Variants in PTPRE observed in about 807,000 individuals in gnomAD.
PTPRE encodes the protein protein tyrosine phosphatase receptor type E, also known as receptor-type tyrosine-protein phosphatase epsilon.
Under a neutral mutation model 102.0 loss-of-function variants are expected in PTPRE, and 51 were observed. That is an observed-to-expected ratio of 0.50 (90% CI 0.40 to 0.63). The LOEUF (loss-of-function observed/expected upper bound fraction) is 0.63. PTPRE is among the 30% of genes least tolerant of loss of function. The pLI, the probability that PTPRE is intolerant of heterozygous loss-of-function variation, is 0.00. For missense variants in PTPRE, 752 were observed against 915.1 expected (o/e 0.82, Z 2.30); for synonymous variants, 345 against 348.2 (o/e 0.99, Z 0.10).
At chr10:127,983,783 A>G (rs1291784509) in intron 2 of PTPRE, among the ~76,000 whole-genome samples, 1 of 152,010 alleles carries the variant, frequency 6.6e-6, no homozygotes, top group Admixed American at 6.5e-5. Context: ...GCCGCTTCCA[A>G]AATTTCCTAT....
At chr10:128,041,780 C>T (rs1847720526) in intron 3 of PTPRE, among the ~76,000 whole-genome samples, 1 of 151,106 alleles carries the variant, frequency 6.6e-6, no homozygotes, top group Non-Finnish European at 1.5e-5. Flanking sequence ...CACGAGTGAA[C>T]TGTGATGTCT....
At chr10:127,925,791 A>T (rs1363340307) in intron 1 of PTPRE, among the ~76,000 whole-genome samples, 1 of 152,086 alleles carries the variant, frequency 6.6e-6, no homozygotes, top group Non-Finnish European at 1.5e-5. Flanking sequence ...GGCGGAGGGA[A>T]TGTGAGTGAA....
chr10:128,026,550 A>G (rs1846305624), intron 2 of PTPRE, among the ~76,000 whole-genome samples: 1 of 152,220 alleles, frequency 6.6e-6, no homozygotes, highest in South Asian at 2.1e-4. Flanking sequence ...TGATAGCCAG[A>G]CCAGGGACAC....
chr10:127,982,493 T>TGC (rs1418659072), intron 2 of PTPRE, among the ~76,000 whole-genome samples, 197 bp downstream of exon 2: 4 of 54,414 alleles, frequency 7.4e-5, no homozygotes, highest in African/African-American at 1.3e-4. Flanking sequence ...CATTTGCGTG[T>TGC]GTGTGTGTGT....
At chr10:128,065,970 G>A (rs1386204817) in intron 10 of PTPRE, 105 bp from the exon 11 acceptor site, 1 of 1,511,140 alleles carries the variant, frequency 6.6e-7, no homozygotes, top group African/African-American at 1.4e-5. Context: ...TGGGAGCTGT[G>A]TGACTCCAGC....
chr10:128,069,591 A>G, intron 12 of PTPRE, 101 bp from the exon 13 acceptor site: 5 of 1,498,252 alleles, frequency 3.3e-6, no homozygotes, highest in Non-Finnish European at 4.5e-6. Flanking sequence ...AAAAACAAAA[A>G]GTTGCATCCA....
At chr10:127,930,061 C>CAAA (rs941241176) in intron 1 of PTPRE, among the ~76,000 whole-genome samples, 10 of 72,850 alleles carry the variant, frequency 1.4e-4, no homozygotes, top group African/African-American at 2.0e-4. Flanking sequence ...GATTCCATCT[C>CAAA]AAAAAAAAAA....
intron 1 of PTPRE, among the ~76,000 whole-genome samples, chr10:127,940,035 G>C (rs1258428201): frequency 6.6e-6 from 1 of 151,040 alleles, no homozygotes; most frequent in African/African-American, 2.4e-5. Context: ...GACAGATGTG[G>C]GCAGATGGAG....
chr10:128,080,942 A>G (rs189710115), intron 20 of PTPRE, among the ~76,000 whole-genome samples: 3 of 152,234 alleles, frequency 2.0e-5, no homozygotes, highest in Non-Finnish European at 4.4e-5. Flanking sequence ...TTCTCATTTC[A>G]TCTTCACCAT....
chr10:127,919,970 A>G, intron 1 of PTPRE, among the ~76,000 whole-genome samples: 1 of 148,878 alleles, frequency 6.7e-6, no homozygotes, highest in Non-Finnish European at 1.5e-5. Context: ...TGCTTTATGG[A>G]GGTTATGCTT....
intron 19 of PTPRE, among the ~76,000 whole-genome samples, chr10:128,078,375 G>C (rs931524490): frequency 6.6e-6 from 1 of 152,262 alleles, no homozygotes; most frequent in African/African-American, 2.4e-5. Context: ...CGCAAATCTG[G>C]TCAAGCCCAC....
chr10:128,048,854 C>T (rs1564926808), intron 5 of PTPRE, among the ~76,000 whole-genome samples: 1 of 152,054 alleles, frequency 6.6e-6, no homozygotes, highest in Admixed American at 6.6e-5. Flanking sequence ...GCAAGTGTGA[C>T]AGCTGGGTTA....
Position 127,964,965 on chromosome 10 carries a change from C to T in PTPRE, c.-30-17309C>T, listed in dbSNP as rs533619616. 4.3e-4 allele frequency: 195 copies of T among 456,566 alleles called. 4 individuals carry two copies. Among genetic ancestry groups the T allele is most frequent in the South Asian group, 2.9e-3 (184 of 64,542 alleles). The allele number at this position is 456,566 out of a possible 1,614,324, so 28.3% of individuals were successfully genotyped here. A position where few individuals can be genotyped will look rare whatever the true frequency, so the allele number is the denominator to read the frequency against. ...AGCTGTCTCCATGAAGGACAGGGAC[C>T]GTGCCGTGAACCTTTTATTCTCCCA... On this transcript the variant is annotated intron_variant, in intron 1 of 20. Transcript: ENST00000254667.
chr10:128,001,830 C>A (rs779516536), intron 2 of PTPRE, among the ~76,000 whole-genome samples: 1 of 152,180 alleles, frequency 6.6e-6, no homozygotes, highest in South Asian at 2.1e-4. Flanking sequence ...TAAGAAAGCA[C>A]GCTGTCATCT....
intron 12 of PTPRE, chr10:128,069,061 C>T (rs1038160276): frequency 6.6e-6 from 1 of 152,624 alleles, no homozygotes; most frequent in Non-Finnish European, 1.5e-5. Context: ...GATGCAGGCG[C>T]TCTGCACCTG....
At chr10:128,074,036 ATTT>A (rs1851012451) in intron 17 of PTPRE, among the ~76,000 whole-genome samples, 1 of 152,190 alleles carries the variant, frequency 6.6e-6, no homozygotes, top group African/African-American at 2.4e-5. Flanking sequence ...ATCTGTGATC[ATTT>A]TCATCAACCC....
intron 1 of PTPRE, among the ~76,000 whole-genome samples, chr10:127,936,402 G>A (rs1017119296): frequency 6.6e-6 from 1 of 152,188 alleles, no homozygotes; most frequent in Non-Finnish European, 1.5e-5. Context: ...TTATGTTGTA[G>A]ATGTTATGAA....
chr10:128,036,514 G>C lies in PTPRE; in HGVS notation c.-7-4361G>C, dbSNP rs74159140. Among the ~76,000 whole-genome samples the C allele has an allele frequency of 0.023, 3,528 of 152,186 alleles. 214 individuals carry two copies. In the East Asian group the frequency reaches 0.24, roughly 10 times the overall value. Reference sequence around the variant, plus strand: ...CGCTTCATAGGAGCCCAGTAACTGGGAGCTTATATTATTGCCTTATGCCTC... The same window carrying C: ...CGCTTCATAGGAGCCCAGTAACTGGCAGCTTATATTATTGCCTTATGCCTC... On this transcript the variant is annotated intron_variant, in intron 2 of 20. Transcript: ENST00000254667.
intron 1 of PTPRE, among the ~76,000 whole-genome samples, chr10:127,933,846 G>A (rs1847619454): frequency 6.6e-6 from 1 of 152,128 alleles, no homozygotes; most frequent in African/African-American, 2.4e-5. Context: ...TCTCTTTCCA[G>A]GCCCCTACCG....
Sources: gnomAD v4.1 joint callset for allele counts (sites outside exome capture counted in the v4.1 genomes callset) on GRCh38, gnomAD v4.1.1 for gene constraint, MANE v1.5 for transcripts, NCBI Gene and HGNC (gene_info 2026-07-23, HGNC 2026-07-21) for gene names.